Variants in SPAG16 observed in about 807,000 individuals in gnomAD.
SPAG16 encodes the protein sperm associated antigen 16.
Under a neutral mutation model 80.4 loss-of-function variants are expected in SPAG16, and 86 were observed. The ratio of observed to expected loss-of-function variants is 1.07; its 90% CI spans 0.90 to 1.28. The LOEUF (loss-of-function observed/expected upper bound fraction) is 1.28, where lower values mean the gene tolerates loss of function less well. Among genes scored for constraint, SPAG16 ranks in the 50% most tolerant of loss-of-function variants. The pLI is 0.00. For synonymous variants in SPAG16, 294 were observed against 265.9 expected (o/e 1.11, Z -1.03); for missense variants, 870 against 765.3 (o/e 1.14, Z -1.61).
chr2:213,702,264 G>A (rs2065470463), intron 10 of SPAG16, among the ~76,000 whole-genome samples: 1 of 152,236 alleles, frequency 6.6e-6, no homozygotes, highest in Non-Finnish European at 1.5e-5. Context: ...GGATGTGGGT[G>A]GGGCCAGATA....
At chr2:214,107,154 C>A (rs2053427166) in intron 13 of SPAG16, among the ~76,000 whole-genome samples, 1 of 152,028 alleles carries the variant, frequency 6.6e-6, no homozygotes, top group South Asian at 2.1e-4. Flanking sequence ...CTATTACTAA[C>A]CCTGCCTGAC....
chr2:213,880,632 C>T (rs989107174), intron 11 of SPAG16, among the ~76,000 whole-genome samples: 1 of 152,122 alleles, frequency 6.6e-6, no homozygotes, highest in Non-Finnish European at 1.5e-5. Flanking sequence ...TTCTTTAACA[C>T]ATTTTGAGTT....
intron 12 of SPAG16, among the ~76,000 whole-genome samples, chr2:213,939,221 T>G (rs745485511): frequency 6.6e-6 from 1 of 152,208 alleles, no homozygotes; most frequent in Non-Finnish European, 1.5e-5. Context: ...TTTATTTATC[T>G]AATATTTACC....
In SPAG16 at chr2:213,536,131, T is replaced by G. The variant is rs532829715; in HGVS notation, c.1070+46041T>G. Among the ~76,000 whole-genome samples the G allele has an allele frequency of 6.5e-4, 99 of 152,284 alleles. 1 individual carries two copies. The highest frequency in any genetic ancestry group is 1.1e-3 in the Non-Finnish European group (78 of 68,012). Reference sequence around the variant, plus strand: ...GCCTCTTAAATTTTGACTTAGTCTTTTGTATAGTTCACATTCTTTCAAGAG... The same window carrying G: ...GCCTCTTAAATTTTGACTTAGTCTTGTGTATAGTTCACATTCTTTCAAGAG... On this transcript the variant is annotated intron_variant, in intron 10 of 15. Transcript: ENST00000331683.
chr2:214,141,623 A>G (rs1295028605), intron 14 of SPAG16, among the ~76,000 whole-genome samples: 1 of 152,220 alleles, frequency 6.6e-6, no homozygotes, highest in African/African-American at 2.4e-5. Context: ...TGTATTCATT[A>G]AATGAAAATG....
chr2:213,577,609 A>G (rs2060171709), intron 10 of SPAG16, among the ~76,000 whole-genome samples: 1 of 152,196 alleles, frequency 6.6e-6, no homozygotes. Context: ...GACACTTAAG[A>G]TAATTCTGGT....
intron 11 of SPAG16, among the ~76,000 whole-genome samples, chr2:213,893,057 C>T (rs1427035343): frequency 6.6e-6 from 1 of 151,870 alleles, no homozygotes; most frequent in Non-Finnish European, 1.5e-5. Flanking sequence ...ATCCCAAAAA[C>T]AGAAAAAGAA....
chr2:213,884,820 G>T (rs1254553667), intron 11 of SPAG16, among the ~76,000 whole-genome samples: 3 of 152,158 alleles, frequency 2.0e-5, no homozygotes, highest in Non-Finnish European at 4.4e-5. Flanking sequence ...TTCTTGTAGA[G>T]AATTTTTCAG....
At chr2:213,536,386 T>A (rs959069274) in intron 10 of SPAG16, among the ~76,000 whole-genome samples, 2 of 152,184 alleles carry the variant, frequency 1.3e-5, no homozygotes, top group Admixed American at 1.3e-4. Flanking sequence ...TAATTTTAGA[T>A]CCCTGAGGAA....
intron 11 of SPAG16, among the ~76,000 whole-genome samples, chr2:213,924,501 G>A (rs932506310): frequency 1.3e-5 from 2 of 152,126 alleles, no homozygotes; most frequent in Non-Finnish European, 2.9e-5. Context: ...CAGATGATTG[G>A]CCTGCAGGGT....
intron 10 of SPAG16, among the ~76,000 whole-genome samples, chr2:213,839,380 A>C (rs2074256511): frequency 6.6e-6 from 1 of 152,224 alleles, no homozygotes; most frequent in South Asian, 2.1e-4. Context: ...TATATGAGAA[A>C]ACATTTTTTT....
chr2:213,712,071 T>C lies in SPAG16; in HGVS notation c.1071-150414T>C, dbSNP rs139808310. Among the ~76,000 whole-genome samples the C allele has an allele frequency of 9.2e-5, 14 of 152,220 alleles. No individual in the cohort carries two copies. The East Asian group carries it at 2.7e-3, about 29-fold the overall frequency. On this transcript the variant is annotated intron_variant, in intron 10 of 15. Coordinates refer to ENST00000331683, the MANE Select transcript of SPAG16 (RefSeq NM_024532.5). ...GCACATTTATTTACATAGACTGCAATATAAATGGCCTAGGAAAATGGTGTC... is the reference window on the plus strand; with the variant it reads ...GCACATTTATTTACATAGACTGCAACATAAATGGCCTAGGAAAATGGTGTC...
intron 15 of SPAG16, among the ~76,000 whole-genome samples, chr2:214,390,925 G>A (rs146272170): frequency 1.3e-5 from 2 of 152,314 alleles, no homozygotes; most frequent in Non-Finnish European, 2.9e-5. Flanking sequence ...TGAAACAAGT[G>A]CAGAGTAAAA....
chr2:214,055,875 C>A (rs895647359), intron 13 of SPAG16, among the ~76,000 whole-genome samples: 4 of 152,042 alleles, frequency 2.6e-5, no homozygotes, highest in Non-Finnish European at 5.9e-5. Flanking sequence ...AATAACCATG[C>A]AATCATTTAT....
chr2:213,553,667 C>A (rs904241634), intron 10 of SPAG16, among the ~76,000 whole-genome samples: 3 of 152,172 alleles, frequency 2.0e-5, no homozygotes, highest in Non-Finnish European at 4.4e-5. Context: ...AGTGACCATA[C>A]CCCAGACCTG....
intron 10 of SPAG16, among the ~76,000 whole-genome samples, chr2:213,827,223 T>C (rs1193345815): frequency 6.6e-6 from 1 of 151,976 alleles, no homozygotes; most frequent in Non-Finnish European, 1.5e-5. Flanking sequence ...ATTTTGTTTT[T>C]TGTTGTCTAG....
chr2:213,665,911 A>G (rs898911116), intron 10 of SPAG16, among the ~76,000 whole-genome samples: 1 of 152,184 alleles, frequency 6.6e-6, no homozygotes, highest in Non-Finnish European at 1.5e-5. Context: ...AGCAGAAAGC[A>G]AAATGATGCA....
intron 15 of SPAG16, among the ~76,000 whole-genome samples, chr2:214,340,576 T>C (rs1460844325): frequency 6.6e-6 from 1 of 152,210 alleles, no homozygotes; most frequent in Admixed American, 6.5e-5. Context: ...GTGGGTGAAC[T>C]GCGCACCTGC....
intron 10 of SPAG16, among the ~76,000 whole-genome samples, chr2:213,729,799 CA>C (rs1035919323): frequency 2.0e-5 from 3 of 152,168 alleles, no homozygotes; most frequent in African/African-American, 7.2e-5. Flanking sequence ...GATCAGAGAG[CA>C]AAAACATCAG....
Sources: allele counts gnomAD v4.1 joint callset (sites outside exome capture counted in the v4.1 genomes callset), GRCh38; gene constraint gnomAD v4.1.1; transcripts MANE v1.5; gene names NCBI Gene and HGNC (gene_info 2026-07-23, HGNC 2026-07-21).